Variants in HIVEP3 observed in about 807,000 individuals in gnomAD.
The protein encoded by HIVEP3 is HIVEP zinc finger 3.
HIVEP3 carries 49 observed loss-of-function variants against 152.8 expected under a neutral mutation model. The observed-to-expected ratio is 0.32, with a 90% CI of 0.26 to 0.41. HIVEP3 has a LOEUF of 0.41. Ranked by LOEUF, HIVEP3 falls within the 10% of genes least tolerant of loss-of-function variation. The pLI is 1.00. For missense variants in HIVEP3, 2,790 were observed against 3,103.3 expected (o/e 0.90, Z 2.40); for synonymous variants, 1,269 against 1,289.0 (o/e 0.98, Z 0.33).
At chr1:41,678,841 G>A (rs1169735177) in intron 2 of HIVEP3, among the ~76,000 whole-genome samples, 1 of 152,238 alleles carries the variant, frequency 6.6e-6, no homozygotes, top group Non-Finnish European at 1.5e-5. Context: ...AGCAGTTAGA[G>A]GTGGGAGCCT....
At chr1:41,931,329 T>C (rs1644994785) in intron 1 of HIVEP3, among the ~76,000 whole-genome samples, 1 of 152,084 alleles carries the variant, frequency 6.6e-6, no homozygotes, top group Non-Finnish European at 1.5e-5. Context: ...TTCTTGCATA[T>C]AGATATCCAA....
chr1:41,994,468 T>C (rs140057542), intron 1 of HIVEP3, among the ~76,000 whole-genome samples: 1 of 152,290 alleles, frequency 6.6e-6, no homozygotes, highest in East Asian at 1.9e-4. Context: ...AATTGGATCA[T>C]GGGAACAGGT....
chr1:41,844,472 T>A (rs1643378947), intron 1 of HIVEP3, among the ~76,000 whole-genome samples: 2 of 152,178 alleles, frequency 1.3e-5, no homozygotes, highest in Admixed American at 6.5e-5. Flanking sequence ...CCCAGCAGTA[T>A]CGCTAGACGT....
At chr1:41,545,670 GCCA>G (rs1479117439) in intron 5 of HIVEP3, among the ~76,000 whole-genome samples, 41 of 33,404 alleles carry the variant, frequency 1.2e-3, no homozygotes, top group Admixed American at 0.01. Context: ...CCCTGCCACA[GCCA>G]CCACCACCAC....
chr1:41,889,840 T>A (rs1644419983), intron 1 of HIVEP3, among the ~76,000 whole-genome samples: 1 of 152,152 alleles, frequency 6.6e-6, no homozygotes, highest in African/African-American at 2.4e-5. Flanking sequence ...TACTCATCAC[T>A]CCCATCTAAT....
intron 1 of HIVEP3, among the ~76,000 whole-genome samples, chr1:41,959,244 T>C (rs560341098): frequency 6.6e-6 from 1 of 152,350 alleles, no homozygotes; most frequent in South Asian, 2.1e-4. Flanking sequence ...ACTGGCTTGA[T>C]GGTGACAAGT....
intron 5 of HIVEP3, among the ~76,000 whole-genome samples, chr1:41,566,773 C>T (rs566434183): frequency 1.3e-5 from 2 of 152,278 alleles, no homozygotes; most frequent in East Asian, 3.9e-4. Flanking sequence ...ATCCAGGATT[C>T]ACACTTGGCT....
At chr1:41,868,905 GTGCACATTAA>G (rs1171681382) in intron 1 of HIVEP3, among the ~76,000 whole-genome samples, 1 of 152,226 alleles carries the variant, frequency 6.6e-6, no homozygotes, top group African/African-American at 2.4e-5. Flanking sequence ...CATAATGACT[GTGCACATTAA>G]TTGCTCAATA....
At chr1:41,665,705 T>TACACACACACACACACACACACACAC (rs1489493920) in intron 2 of HIVEP3, among the ~76,000 whole-genome samples, 2 of 21,844 alleles carry the variant, frequency 9.2e-5, no homozygotes, top group Non-Finnish European at 1.4e-4. Context: ...ACGGAAATGT[T>TACACACACACACACACACACACACAC]ATACACACAC....
At chr1:42,030,536 G>C (rs981377350) in intron 1 of HIVEP3, among the ~76,000 whole-genome samples, 2 of 152,264 alleles carry the variant, frequency 1.3e-5, no homozygotes, top group East Asian at 1.9e-4. Flanking sequence ...AAAGAAAGAA[G>C]TGTGTCTCTA....
intron 1 of HIVEP3, among the ~76,000 whole-genome samples, chr1:42,021,840 T>C (rs1645556417): frequency 6.6e-6 from 1 of 152,210 alleles, no homozygotes; most frequent in African/African-American, 2.4e-5. Context: ...TCTATTCTTC[T>C]GTCAGTTTTC....
chr1:41,544,968 ACCACCACTATCACCG>A (rs1248479282), intron 5 of HIVEP3, among the ~76,000 whole-genome samples: 1 of 81,918 alleles, frequency 1.2e-5, no homozygotes. Flanking sequence ...CATCACCACC[ACCACCACTATCACCG>A]CCACCACCAT....
chr1:41,722,433 C>CTTCT (rs1646688992), intron 1 of HIVEP3, among the ~76,000 whole-genome samples: 1 of 149,344 alleles, frequency 6.7e-6, no homozygotes. Context: ...TCCTTCCTTC[C>CTTCT]TTCCTTCCTT....
At chr1:41,611,886 G>A (rs1387651493) in intron 3 of HIVEP3, among the ~76,000 whole-genome samples, 1 of 152,184 alleles carries the variant, frequency 6.6e-6, no homozygotes, top group African/African-American at 2.4e-5. Context: ...CCGGTTGCCT[G>A]AGGTCGGCTC....
intron 2 of HIVEP3, among the ~76,000 whole-genome samples, chr1:41,669,761 TG>T (rs1645846743): frequency 6.6e-6 from 1 of 152,220 alleles, no homozygotes; most frequent in Non-Finnish European, 1.5e-5. Context: ...TGGGCTCTCC[TG>T]GATCTCCAGC....
At chr1:41,613,927 G>T (rs1644931422) in intron 3 of HIVEP3, among the ~76,000 whole-genome samples, 2 of 152,220 alleles carry the variant, frequency 1.3e-5, no homozygotes, top group African/African-American at 2.4e-5. Context: ...GTCCTTTTGT[G>T]TCTGGCTTCT....
chr1:42,029,858 AC>A (rs1645603631), intron 1 of HIVEP3, among the ~76,000 whole-genome samples: 1 of 152,152 alleles, frequency 6.6e-6, no homozygotes, highest in Non-Finnish European at 1.5e-5. Flanking sequence ...TTCTCCAATG[AC>A]CAAAAAAAAA....
intron 3 of HIVEP3, among the ~76,000 whole-genome samples, chr1:41,611,400 T>G (rs894264339): frequency 6.6e-6 from 1 of 152,174 alleles, no homozygotes; most frequent in African/African-American, 2.4e-5. Context: ...TAAGAAATGC[T>G]GATGGGGACA....
chr1:41,803,274 T>C lies in HIVEP3; in HGVS notation c.-800-102279A>G, dbSNP rs976811078. Among the ~76,000 whole-genome samples, 5 of 152,330 alleles carry C rather than the reference T, an allele frequency of 3.3e-5. No individual in the cohort carries two copies. The South Asian group carries it at 8.3e-4, about 25-fold the overall frequency. ...TGACAGGCTGCGGAGTATGTGTTGTTATTGTTGCTTTAAATTTCACAGGCG... is the reference window on the plus strand; with the variant it reads ...TGACAGGCTGCGGAGTATGTGTTGTCATTGTTGCTTTAAATTTCACAGGCG... On this transcript the variant is annotated intron_variant, in intron 1 of 8. Coordinates refer to ENST00000372583, the MANE Select transcript of HIVEP3 (RefSeq NM_024503.5).
Sources: gnomAD v4.1 joint callset for allele counts (sites outside exome capture counted in the v4.1 genomes callset) on GRCh38, gnomAD v4.1.1 for gene constraint, MANE v1.5 for transcripts, NCBI Gene and HGNC (gene_info 2026-07-23, HGNC 2026-07-21) for gene names.